Variants in SGCZ observed in about 807,000 individuals in gnomAD.
SGCZ encodes zeta-sarcoglycan.
SGCZ carries 40 observed loss-of-function variants against 41.3 expected under a neutral mutation model. That is an observed-to-expected ratio of 0.97 (90% CI 0.75 to 1.26). The LOEUF is 1.26. Ranked by LOEUF, SGCZ falls within the 50% of genes most tolerant of loss-of-function variation. The probability of loss-of-function intolerance (pLI) is 0.00; values close to 1 mark genes in which losing one functional copy is unlikely to be tolerated. For synonymous variants in SGCZ, 206 were observed against 137.5 expected, an observed-to-expected ratio of 1.50 and a Z score of -3.49; for missense variants, 552 against 369.8, an observed-to-expected ratio of 1.49 and a Z score of -4.04.
chr8:14,890,798 T>C (rs1052971699), intron 1 of SGCZ, among the ~76,000 whole-genome samples: 2 of 152,202 alleles, frequency 1.3e-5, no homozygotes, highest in Non-Finnish European at 2.9e-5. Flanking sequence ...AAGGACAGGC[T>C]ATCTTGTTAG....
chr8:15,201,989 A>G (rs1800906475), intron 1 of SGCZ, among the ~76,000 whole-genome samples: 1 of 152,136 alleles, frequency 6.6e-6, no homozygotes, highest in South Asian at 2.1e-4. Context: ...TTTCATTCTG[A>G]TTTAAAAGAA....
intron 1 of SGCZ, among the ~76,000 whole-genome samples, chr8:14,647,410 T>C (rs189041886): frequency 1.4e-3 from 217 of 152,132 alleles, no homozygotes; most frequent in South Asian, 2.5e-3. Context: ...AGACTAAAAG[T>C]TTATTTCACT....
chr8:14,298,038 T>C (rs1801071877), intron 3 of SGCZ, among the ~76,000 whole-genome samples: 2 of 151,982 alleles, frequency 1.3e-5, no homozygotes, highest in Non-Finnish European at 2.9e-5. Flanking sequence ...CCTAAGAATG[T>C]AGGATGATTT....
At chr8:14,704,480 A>G (rs1347781731) in intron 1 of SGCZ, among the ~76,000 whole-genome samples, 1 of 152,038 alleles carries the variant, frequency 6.6e-6, no homozygotes, top group Non-Finnish European at 1.5e-5. Flanking sequence ...TTTCAAAGAT[A>G]CCTTATTAAT....
At chr8:14,685,107 T>C (rs1379736977) in intron 1 of SGCZ, among the ~76,000 whole-genome samples, 2 of 151,892 alleles carry the variant, frequency 1.3e-5, no homozygotes, top group Non-Finnish European at 2.9e-5. Context: ...TTTAAACACA[T>C]TAATTAAAAC....
intron 2 of SGCZ, among the ~76,000 whole-genome samples, chr8:14,395,004 T>G (rs140063115): frequency 3.7e-4 from 57 of 152,332 alleles, no homozygotes; most frequent in African/African-American, 1.4e-3. Flanking sequence ...CTTTGTTTCC[T>G]AAATTGTAAA....
At chr8:15,195,750 A>T (rs1345249482) in intron 1 of SGCZ, among the ~76,000 whole-genome samples, 11 of 152,084 alleles carry the variant, frequency 7.2e-5, no homozygotes, top group Admixed American at 6.5e-5. Context: ...TTTTCATCTA[A>T]AAAAAACTTA....
chr8:14,564,411 T>A (rs1013793910), intron 1 of SGCZ, among the ~76,000 whole-genome samples: 1 of 152,226 alleles, frequency 6.6e-6, no homozygotes, highest in Non-Finnish European at 1.5e-5. Flanking sequence ...CTAGACTTAC[T>A]GAGTTCAGAT....
intron 2 of SGCZ, among the ~76,000 whole-genome samples, chr8:14,539,315 C>A (rs1454554131): frequency 2.0e-5 from 3 of 151,838 alleles, no homozygotes; most frequent in African/African-American, 7.3e-5. Context: ...CTATATACAT[C>A]CTATTGCTTC....
intron 3 of SGCZ, among the ~76,000 whole-genome samples, chr8:14,246,354 C>A (rs776251782): frequency 2.0e-5 from 3 of 151,852 alleles, no homozygotes; most frequent in Non-Finnish European, 4.4e-5. Context: ...GGACAAAAAA[C>A]CAATCACTGC....
chr8:14,684,700 G>GT (rs137893437), intron 1 of SGCZ, among the ~76,000 whole-genome samples: 92,696 of 148,550 alleles, frequency 0.62, 31,098 homozygotes, highest in Non-Finnish European at 0.75. Context: ...TCCTTTTTTT[G>GT]TTTTTTTTTG....
intron 1 of SGCZ, among the ~76,000 whole-genome samples, chr8:15,011,842 G>C (rs6992296): frequency 0.7 from 106,735 of 152,000 alleles, 37,666 homozygotes; most frequent in African/African-American, 0.76. Context: ...TATATTGATG[G>C]TGGCTTTTAA....
chr8:14,510,609 G>T (rs1482615838), intron 2 of SGCZ, among the ~76,000 whole-genome samples: 2 of 152,110 alleles, frequency 1.3e-5, no homozygotes, highest in Admixed American at 6.6e-5. Context: ...TTCAGATTTT[G>T]TGAGTAAAAT....
At chr8:15,193,407 C>G (rs1800605380) in intron 1 of SGCZ, among the ~76,000 whole-genome samples, 1 of 151,906 alleles carries the variant, frequency 6.6e-6, no homozygotes, top group African/African-American at 2.4e-5. Flanking sequence ...TTTTAATATC[C>G]TTTGAGTATT....
At chr8:14,665,266 G>A (rs1184941782) in intron 1 of SGCZ, among the ~76,000 whole-genome samples, 5 of 152,054 alleles carry the variant, frequency 3.3e-5, no homozygotes, top group Non-Finnish European at 5.9e-5. Context: ...TGTGGTGTAT[G>A]GTTTTTTGTC....
chr8:14,440,347 T>TGG (rs1800213403), intron 2 of SGCZ, among the ~76,000 whole-genome samples: 1 of 152,112 alleles, frequency 6.6e-6, no homozygotes, highest in South Asian at 2.1e-4. Flanking sequence ...AAGGAAATCT[T>TGG]AGATAAATAA....
At chr8:14,768,240 C>G (rs1800107937) in intron 1 of SGCZ, among the ~76,000 whole-genome samples, 1 of 152,158 alleles carries the variant, frequency 6.6e-6, no homozygotes, top group Non-Finnish European at 1.5e-5. Flanking sequence ...CTAACATTCT[C>G]TAAAAGAAAA....
Position 14,085,186 on chromosome 8 carries a change from C to G in SGCZ, c.*5257G>C, listed in dbSNP as rs920189934. 1.3e-5 allele frequency among the ~76,000 whole-genome samples: 2 copies of G among 151,614 alleles called. No homozygotes were observed. The highest frequency in any genetic ancestry group is 2.4e-5 in the African/African-American group (1 of 41,340). On this transcript the variant is annotated 3_prime_UTR_variant, in exon 8 of 8. Coordinates refer to ENST00000382080, the MANE Select transcript of SGCZ (RefSeq NM_139167.4). ...AGCAAGATAGAGTACAAAAGCACAG[C>G]TTTTGTAATTTTGGTAATATTGCAA...
intron 4 of SGCZ, among the ~76,000 whole-genome samples, chr8:14,168,508 T>C (rs1405515822): frequency 1.3e-5 from 2 of 152,068 alleles, no homozygotes; most frequent in East Asian, 3.9e-4. Flanking sequence ...TGAGATCTGA[T>C]GGTTTTATAA....
Sources: allele counts gnomAD v4.1 joint callset (sites outside exome capture counted in the v4.1 genomes callset), GRCh38; gene constraint gnomAD v4.1.1; transcripts MANE v1.5; gene names NCBI Gene and HGNC (gene_info 2026-07-23, HGNC 2026-07-21).